PPIE: variants seen among roughly 807,000 people sequenced by gnomAD.
PPIE encodes peptidyl-prolyl cis-trans isomerase E.
PPIE carries 20 observed loss-of-function variants against 38.4 expected under a neutral mutation model. That is an observed-to-expected ratio of 0.52 (90% CI 0.37 to 0.76). The LOEUF (loss-of-function observed/expected upper bound fraction) is 0.76, where lower values mean the gene tolerates loss of function less well. Among genes scored for constraint, PPIE ranks in the 30% least tolerant of loss-of-function variants. PPIE has a pLI of 0.00. For missense variants in PPIE, 322 were observed against 385.8 expected (o/e 0.83, Z 1.39); for synonymous variants, 142 against 135.7 (o/e 1.05, Z -0.32).
intron 4 of PPIE, chr1:39,742,208 C>T (rs569020467): frequency 1.8e-4 from 64 of 363,840 alleles, no homozygotes; most frequent in Middle Eastern, 1.6e-3. Flanking sequence ...ATTGATTGCA[C>T]GGTGTAACTG....
chr1:39,761,447 C>T (rs570027), downstream of PPIE: 15,789 of 152,118 alleles, frequency 0.1, 1,018 homozygotes, highest in Admixed American at 0.15. Flanking sequence ...ATCCCAGCCT[C>T]CCCCAGCAGC....
chr1:39,749,148 A>C, intron 8 of PPIE, 60 bp downstream of exon 8: 1 of 1,496,750 alleles, frequency 6.7e-7, no homozygotes, highest in Non-Finnish European at 9.0e-7. Context: ...ATGGCCAGGC[A>C]GGATGGAAGG....
In PPIE at chr1:39,754,117, C is replaced by G. The variant is rs1648037989; in HGVS notation, c.*762C>G. ...AGCCAACAAACTACATGTGCCTAATCCAGCCCACTGCCTGTTTTTATGAAT... is the reference window on the plus strand; with the variant it reads ...AGCCAACAAACTACATGTGCCTAATGCAGCCCACTGCCTGTTTTTATGAAT... On this transcript the variant is annotated 3_prime_UTR_variant, in exon 10 of 10. Transcript: ENST00000324379. 6 of 951,672 alleles carry G rather than the reference C, an allele frequency of 6.3e-6. No homozygotes were observed. The highest frequency in any genetic ancestry group is 7.5e-6 in the Non-Finnish European group (6 of 799,392). 59.0% of individuals were successfully genotyped at this position (951,672 alleles called of 1,614,324 possible). A position where few individuals can be genotyped will look rare whatever the true frequency, so the allele number is the denominator to read the frequency against.
chr1:39,757,883 A>C (rs571573074), downstream of PPIE: 1 of 152,332 alleles, frequency 6.6e-6, no homozygotes, highest in Middle Eastern at 3.4e-3. Flanking sequence ...GACTATCTGG[A>C]TGATAAAAGT....
In PPIE at chr1:39,755,677, C is replaced by T. The variant is rs375546983; in HGVS notation, c.*2322C>T. ...GGACAGACTCCTGTGACAACCTTGTCACTCTGTTCCTCCCTGATACTCTGG... is the reference window on the plus strand; with the variant it reads ...GGACAGACTCCTGTGACAACCTTGTTACTCTGTTCCTCCCTGATACTCTGG... On this transcript the variant is annotated 3_prime_UTR_variant, in exon 10 of 10. Coordinates refer to ENST00000324379, the MANE Select transcript of PPIE (RefSeq NM_006112.4). 4.1e-6 allele frequency: 4 copies of T among 985,426 alleles called. No homozygotes were observed. The highest frequency in any genetic ancestry group is 4.8e-6 in the Non-Finnish European group (4 of 829,930). 61.0% of individuals were successfully genotyped at this position (985,426 alleles called of 1,614,324 possible). A position where few individuals can be genotyped will look rare whatever the true frequency, so the allele number is the denominator to read the frequency against.
At position 39,738,934 on chromosome 1, in the gene PPIE, G is replaced by T; in HGVS notation, c.31+3G>T. The T allele has an allele frequency of 6.7e-7, 1 of 1,483,302 alleles. No individual in the cohort carries two copies. Among genetic ancestry groups the T allele is most frequent in the Non-Finnish European group, 9.0e-7 (1 of 1,116,860 alleles). The allele number at this position is 1,483,302 out of a possible 1,614,324, so 91.9% of individuals were successfully genotyped here. On this transcript the variant is annotated splice_donor_region_variant and intron_variant, in intron 1 of 9. Transcript: ENST00000324379. ...CACCAAGCGCGTCTTGTACGTGGGT[G>T]AGCAGGAGGGGTTGCTAGGCGGAGT...
rs779169627 is a variant in PPIE at position 39,753,395 on chromosome 1, G to C, written c.*40G>C. 2.5e-6 allele frequency: 4 copies of C among 1,602,348 alleles called. No individual in the cohort carries two copies. The Admixed American group carries it at 6.8e-5, about 27-fold the overall frequency. On this transcript the variant is annotated 3_prime_UTR_variant, in exon 10 of 10. Coordinates refer to ENST00000324379, the MANE Select transcript of PPIE (RefSeq NM_006112.4). ...TGCTTCCCCCTCCGCTCTTGACCCT[G>C]CATATCCAGGAAGGAACTGCCAGCC... is the stretch of plus-strand genomic sequence containing the variant.
At chr1:39,752,645 C>A (rs1446292667) in intron 8 of PPIE, among the ~76,000 whole-genome samples, 1 of 152,232 alleles carries the variant, frequency 6.6e-6, no homozygotes, top group Non-Finnish European at 1.5e-5. Context: ...CAGGGCTTAA[C>A]AGGGACCTGG....
Position 39,745,480 on chromosome 1 carries a change from G to A in PPIE, c.490G>A (p.Val164Ile), listed in dbSNP as rs1557447168. 1.2e-6 allele frequency: 2 copies of A among 1,614,112 alleles called. No homozygotes were observed. Among genetic ancestry groups the A allele is most frequent in the Admixed American group, 1.7e-5 (1 of 60,012 alleles). The change falls in exon 7 of 10, where the codon GTC (valine) becomes ATC (isoleucine). Residue 164 changes from valine to isoleucine, a missense_variant. Val to Ile is a conservative substitution (Grantham distance 29). Transcript: ENST00000324379. ...GRIQMLLRSD[V>I]VPMTAENFRC... ...CATCCAGATGCTCCTGCGTTCTGAT[G>A]TCGTGCCCATGACAGCAGGTGAGCA... is the stretch of plus-strand genomic sequence containing the variant.
chr1:39,741,729 G>T, intron 3 of PPIE, 166 bp from the exon 4 acceptor site: 1 of 713,658 alleles, frequency 1.4e-6, no homozygotes, highest in Non-Finnish European at 2.3e-6. Context: ...TGCACCACCA[G>T]CTCTAAAATC....
intron 1 of PPIE, among the ~76,000 whole-genome samples, chr1:39,739,476 T>A (rs1321473802): frequency 1.3e-5 from 2 of 152,078 alleles, no homozygotes; most frequent in African/African-American, 4.8e-5. Context: ...GTTCCCAGAC[T>A]AGCCAGAAAA....
intron 8 of PPIE, 120 bp downstream of exon 8, chr1:39,749,208 GC>G: frequency 9.5e-7 from 1 of 1,051,700 alleles, no homozygotes; most frequent in Non-Finnish European, 1.4e-6. Context: ...AGGAGACCCA[GC>G]CACCAGACAT....
In PPIE at chr1:39,754,056, G is replaced by C. The variant is rs1294508632; in HGVS notation, c.*701G>C. 1.0e-6 allele frequency: 1 copy of C among 985,378 alleles called. No individual in the cohort carries two copies. The highest frequency in any genetic ancestry group is 1.2e-6 in the Non-Finnish European group (1 of 829,904). 61.0% of individuals were successfully genotyped at this position (985,378 alleles called of 1,614,324 possible). ...TTTTATAACTCAAAGTGCCTTCTCT[G>C]TGCCAAGTACTATGCCTATTTGTCA... On this transcript the variant is annotated 3_prime_UTR_variant, in exon 10 of 10. Coordinates refer to ENST00000324379, the MANE Select transcript of PPIE (RefSeq NM_006112.4).
At position 39,756,729 on chromosome 1, in the gene PPIE, T is replaced by G. The variant is rs1005590174; in HGVS notation, c.*3374T>G. 1 of 521,444 alleles carries G rather than the reference T, an allele frequency of 1.9e-6. No homozygotes were observed. The highest frequency in any genetic ancestry group is 6.4e-5 in the Admixed American group (1 of 15,690). The allele number at this position is 521,444 out of a possible 1,614,324, so 32.3% of individuals were successfully genotyped here. A position where few individuals can be genotyped will look rare whatever the true frequency, so the allele number is the denominator to read the frequency against. On this transcript the variant is annotated 3_prime_UTR_variant, in exon 10 of 10. Transcript: ENST00000324379. ...ATGTAAGCATAGGTATTTGTATATCTTAAGAAAAAAAGCCTAGAAATAAAG... is the reference window on the plus strand; with the variant it reads ...ATGTAAGCATAGGTATTTGTATATCGTAAGAAAAAAAGCCTAGAAATAAAG...
Position 39,754,010 on chromosome 1 carries a change from A to G in PPIE, c.*655A>G. 6.1e-6 allele frequency: 6 copies of G among 985,346 alleles called. No homozygotes were observed. Among genetic ancestry groups the G allele is most frequent in the Non-Finnish European group, 7.2e-6 (6 of 829,896 alleles). The allele number at this position is 985,346 out of a possible 1,614,324, so 61.0% of individuals were successfully genotyped here. On this transcript the variant is annotated 3_prime_UTR_variant, in exon 10 of 10. Coordinates refer to ENST00000324379, the MANE Select transcript of PPIE (RefSeq NM_006112.4). The stretch of plus-strand genomic sequence containing the variant: ...TTGTTTATTTGTTCACTTTCACCCT[A>G]CAGATTTTAAAAAATGAAATTTTTA...
chr1:39,739,041 G>A, intron 1 of PPIE, 110 bp downstream of exon 1: 3 of 1,235,066 alleles, frequency 2.4e-6, no homozygotes, highest in Non-Finnish European at 3.1e-6. Flanking sequence ...TGCTGTCAAG[G>A]CCGGGTCTCT....
chr1:39,753,022 C>T lies in PPIE; in HGVS notation c.807C>T (p.Thr269=), dbSNP rs772942991. The change falls in exon 9 of 10, where the codon ACC becomes ACT. Residue 269 remains threonine (T), a synonymous_variant. Coordinates refer to ENST00000324379, the MANE Select transcript of PPIE (RefSeq NM_006112.4). ...AGCATGTGGTGTTTGGAGAGGTCAC[C>T]GAAGGCCTAGATGTCTTGCGGCAAA... ...DGKHVVFGEV[T]EGLDVLRQIE... 2.1e-5 allele frequency: 34 copies of T among 1,614,026 alleles called. No homozygotes were observed. The highest frequency in any genetic ancestry group is 2.6e-5 in the Non-Finnish European group (31 of 1,180,018).
chr1:39,745,687 C>A, intron 7 of PPIE, 189 bp downstream of exon 7: 1 of 770,476 alleles, frequency 1.3e-6, no homozygotes. Context: ...TTTATAAGTG[C>A]TGGCTTACTG....
intron 9 of PPIE, among the ~76,000 whole-genome samples, chr1:39,761,970 G>T (rs1649049727): frequency 6.6e-6 from 1 of 152,236 alleles, no homozygotes; most frequent in Non-Finnish European, 1.5e-5. Flanking sequence ...AGGAGATGGA[G>T]TCTGGGAGCT....
Sources: allele counts gnomAD v4.1 joint callset (sites outside exome capture counted in the v4.1 genomes callset), GRCh38; gene constraint gnomAD v4.1.1; transcripts MANE v1.5; gene names NCBI Gene and HGNC (gene_info 2026-07-23, HGNC 2026-07-21).